The following RGS6 variants were observed in gnomAD, a reference collection of about 807,000 sequenced individuals.
RGS6 encodes regulator of G-protein signaling 6.
In RGS6, 30 loss-of-function variants were observed where a neutral mutation model predicts 78.5. The ratio of observed to expected loss-of-function variants is 0.38; its 90% CI spans 0.29 to 0.52. The LOEUF is 0.52. Ranked by LOEUF, RGS6 falls within the 20% of genes least tolerant of loss-of-function variation. RGS6 has a pLI of 0.85. For missense variants in RGS6, 495 were observed against 609.7 expected (o/e 0.81, Z 1.98); for synonymous variants, 206 against 206.0 (o/e 1.00, Z 0.00).
chr14:72,103,015 T>C (rs985341679), intron 2 of RGS6, among the ~76,000 whole-genome samples: 1 of 152,232 alleles, frequency 6.6e-6, no homozygotes, highest in Non-Finnish European at 1.5e-5. Flanking sequence ...GGCTTGCTGA[T>C]CAGAGTTAAA....
intron 2 of RGS6, among the ~76,000 whole-genome samples, chr14:72,060,284 G>T (rs774222858): frequency 6.6e-6 from 1 of 151,400 alleles, no homozygotes; most frequent in Non-Finnish European, 1.5e-5. Context: ...TAATTTCCCT[G>T]CAAGTATTTA....
chr14:72,589,805 A>T, the RGS6 span, among the ~76,000 whole-genome samples: 3 of 152,216 alleles, frequency 2.0e-5, no homozygotes, highest in Admixed American at 2.0e-4. Flanking sequence ...CAAACTCTAA[A>T]TATCATGTTT....
chr14:72,437,031 A>C (rs762839474), intron 3 of RGS6, among the ~76,000 whole-genome samples: 8 of 151,968 alleles, frequency 5.3e-5, no homozygotes, highest in Non-Finnish European at 1.0e-4. Context: ...TTTATTGTCA[A>C]CAATCATGGC....
rs74060640 is a variant in RGS6 at position 72,106,362 on chromosome 14, C to T, written c.84+141487C>T. Among the ~76,000 whole-genome samples, 1,335 of 152,290 alleles carry T rather than the reference C, an allele frequency of 8.8e-3. 25 individuals carry two copies. The highest frequency in any genetic ancestry group is 0.03 in the African/African-American group (1,243 of 41,554). Reference sequence around the variant, plus strand: ...ATGTTTGCACTCCAGTGGAGATTTACTAAATCAGAAACTATGGAGGTGGGG... The same window carrying T: ...ATGTTTGCACTCCAGTGGAGATTTATTAAATCAGAAACTATGGAGGTGGGG... On this transcript the variant is annotated intron_variant, in intron 2 of 17. Transcript: ENST00000553525.
the RGS6 span, among the ~76,000 whole-genome samples, chr14:72,586,097 CT>C: frequency 6.6e-6 from 1 of 152,346 alleles, no homozygotes; most frequent in Non-Finnish European, 1.5e-5. Context: ...CATGGCCTGG[CT>C]CCCACTGACT....
chr14:72,531,181 C>G (rs2097177851), intron 15 of RGS6, among the ~76,000 whole-genome samples: 1 of 152,148 alleles, frequency 6.6e-6, no homozygotes, highest in African/African-American at 2.4e-5. Context: ...GCCTGTAATC[C>G]CAGCACTTTG....
intron 2 of RGS6, among the ~76,000 whole-genome samples, chr14:72,284,424 G>T (rs573260186): frequency 1.3e-4 from 20 of 152,326 alleles, no homozygotes; most frequent in African/African-American, 4.8e-4. Context: ...TTTAGCCATG[G>T]CTAAAAGGGG....
chr14:72,452,415 A>G (rs762174496), intron 3 of RGS6, among the ~76,000 whole-genome samples: 12 of 152,208 alleles, frequency 7.9e-5, no homozygotes, highest in Non-Finnish European at 1.8e-4. Flanking sequence ...TGGGGCACAC[A>G]GGAGGATGAG....
At chr14:72,548,071 T>A (rs1335778364) in intron 17 of RGS6, among the ~76,000 whole-genome samples, 1 of 152,116 alleles carries the variant, frequency 6.6e-6, no homozygotes, top group African/African-American at 2.4e-5. Context: ...AGCGTCTTCA[T>A]GGCAGGGGAG....
intron 13 of RGS6, among the ~76,000 whole-genome samples, chr14:72,506,757 T>G (rs1364301027): frequency 6.6e-6 from 1 of 152,118 alleles, no homozygotes; most frequent in Non-Finnish European, 1.5e-5. Context: ...AGAATCTGAC[T>G]TATTTGGAAA....
intron 2 of RGS6, among the ~76,000 whole-genome samples, chr14:72,025,585 G>A (rs1314704472): frequency 6.6e-6 from 1 of 152,006 alleles, no homozygotes; most frequent in Non-Finnish European, 1.5e-5. Flanking sequence ...TTTTATTTCA[G>A]ACCTTACTCT....
chr14:71,871,209 A>G, the RGS6 span, among the ~76,000 whole-genome samples: 1 of 152,114 alleles, frequency 6.6e-6, no homozygotes, highest in Non-Finnish European at 1.5e-5. Flanking sequence ...GGTAGTTTGA[A>G]TGGTTGGACA....
At chr14:72,542,647 G>A (rs1181648768) in intron 17 of RGS6, among the ~76,000 whole-genome samples, 1 of 152,172 alleles carries the variant, frequency 6.6e-6, no homozygotes, top group East Asian at 1.9e-4. Flanking sequence ...TACCATTTAG[G>A]ATTAATTGAT....
intron 2 of RGS6, among the ~76,000 whole-genome samples, chr14:72,161,959 C>T (rs2096859296): frequency 6.6e-6 from 1 of 152,244 alleles, no homozygotes; most frequent in Non-Finnish European, 1.5e-5. Flanking sequence ...ATCATTTCAT[C>T]TCTTCTGTTC....
chr14:72,095,641 C>G (rs17179567), intron 2 of RGS6, among the ~76,000 whole-genome samples: 2,883 of 152,252 alleles, frequency 0.019, 37 homozygotes, highest in Middle Eastern at 0.037. Flanking sequence ...CAAACAAAGA[C>G]GAGAGCATTC....
intron 3 of RGS6, among the ~76,000 whole-genome samples, chr14:72,372,188 AT>A (rs1490312757): frequency 4.6e-5 from 7 of 152,246 alleles, no homozygotes; most frequent in African/African-American, 1.7e-4. Flanking sequence ...CGTATTATAT[AT>A]ACAAAACTTT....
intron 2 of RGS6, among the ~76,000 whole-genome samples, chr14:71,969,882 C>T (rs1233491575): frequency 6.6e-6 from 1 of 152,122 alleles, no homozygotes; most frequent in East Asian, 1.9e-4. Flanking sequence ...AGTACACTTC[C>T]CTGATATCAA....
the RGS6 span, among the ~76,000 whole-genome samples, chr14:72,579,086 G>A: frequency 3.9e-5 from 6 of 152,092 alleles, no homozygotes; most frequent in African/African-American, 1.4e-4. Context: ...CAGTCCCAAA[G>A]TCAGTCAGTC....
intron 3 of RGS6, among the ~76,000 whole-genome samples, chr14:72,377,698 G>T (rs747495800): frequency 6.6e-6 from 1 of 152,086 alleles, no homozygotes; most frequent in African/African-American, 2.4e-5. Flanking sequence ...ATTATGGCCA[G>T]GCATGGTGTA....
Sources: allele counts gnomAD v4.1 joint callset (sites outside exome capture counted in the v4.1 genomes callset), GRCh38; gene constraint gnomAD v4.1.1; transcripts MANE v1.5; gene names NCBI Gene and HGNC (gene_info 2026-07-23, HGNC 2026-07-21).